The following MGAM variants were observed in gnomAD, a reference collection of about 807,000 sequenced individuals.
The protein encoded by MGAM is alpha-1,4-glucosidase.
A neutral mutation model predicts 358.8 loss-of-function variants in MGAM; 253 were observed. That is an observed-to-expected ratio of 0.71 (90% confidence interval 0.64 to 0.78). The LOEUF (loss-of-function observed/expected upper bound fraction) is 0.78. Among genes scored for constraint, MGAM ranks in the 30% least tolerant of loss-of-function variants. MGAM has a pLI of 0.00. For missense variants in MGAM, 3,080 were observed against 3,432.6 expected (o/e 0.90, Z 2.57); for synonymous variants, 1,105 against 1,227.1 (o/e 0.90, Z 2.08).
At chr7:141,987,765 A>C (rs1313355753) in intron 2 of MGAM, among the ~76,000 whole-genome samples, 1 of 151,524 alleles carries the variant, frequency 6.6e-6, no homozygotes, top group Non-Finnish European at 1.5e-5. Flanking sequence ...TGAATGAATG[A>C]ACAAACATTT....
At chr7:142,034,454 T>G in intron 15 of MGAM, 75 bp downstream of exon 15, 1 of 1,164,678 alleles carries the variant, frequency 8.6e-7, no homozygotes, top group Non-Finnish European at 1.2e-6. Context: ...TCTTGGAGAT[T>G]ATGGGGCTAA....
At position 142,045,878 on chromosome 7, in the gene MGAM, T is replaced by C. The variant is rs1203286790; in HGVS notation, c.2499-1907T>C. Among the ~76,000 whole-genome samples the C allele has an allele frequency of 1.7e-5, 2 of 116,636 alleles. 1 individual carries two copies. Among genetic ancestry groups the C allele is most frequent in the Non-Finnish European group, 3.2e-5 (2 of 61,810 alleles). 76.5% of individuals were successfully genotyped at this position (116,636 alleles called of 152,430 possible). A position where few individuals can be genotyped will look rare whatever the true frequency, so the allele number is the denominator to read the frequency against. On this transcript the variant is annotated intron_variant, in intron 21 of 70. Transcript: ENST00000475668. ...ATATATATTATATATACATACAATA[T>C]GTAATATATATATTATGTATACATA...
chr7:142,026,553 C>T (rs1443240416), intron 8 of MGAM, among the ~76,000 whole-genome samples: 7 of 152,134 alleles, frequency 4.6e-5, no homozygotes, highest in African/African-American at 1.7e-4. Flanking sequence ...TGGGGAAAGA[C>T]ACTTAGGAGA....
intron 22 of MGAM, among the ~76,000 whole-genome samples, chr7:142,049,545 C>T (rs115083202): frequency 6.6e-6 from 1 of 152,014 alleles, no homozygotes; most frequent in Non-Finnish European, 1.5e-5. Flanking sequence ...GTTTGCAAAC[C>T]ATGTATCTCA....
At chr7:142,023,911 C>T (rs1251162550) in intron 7 of MGAM, among the ~76,000 whole-genome samples, 2 of 152,136 alleles carry the variant, frequency 1.3e-5, no homozygotes, top group Admixed American at 6.6e-5. Context: ...GGTGGGCTTT[C>T]AGTCCCTTCT....
intron 57 of MGAM, among the ~76,000 whole-genome samples, chr7:142,088,437 C>CTATGTATGTATG (rs75555022): frequency 0.075 from 10,418 of 139,608 alleles, 1,341 homozygotes; most frequent in African/African-American, 0.2. Context: ...ATGTACCCAT[C>CTATGTATGTATG]TATGTATGTA....
In MGAM at chr7:142,034,734, T is replaced by C. The variant is rs1367540562; in HGVS notation, c.1852T>C (p.Ser618Pro). ...FILTRSTFAG[S>P]GKFAAHWLGD... The stretch of plus-strand genomic sequence containing the variant: ...TCTGACCCGTTCTACCTTTGCGGGC[T>C]CTGGCAAGTTTGCAGCACATTGGTT... Residue 618 changes from serine (S) to proline (P), a missense_variant, in exon 16 of 71, where the codon TCT (serine) becomes CCT (proline). Coordinates refer to ENST00000475668, the MANE Select transcript of MGAM (RefSeq NM_001365693.1). 6.2e-7 allele frequency: 1 copy of C among 1,613,526 alleles called. No homozygotes were observed. The highest frequency in any genetic ancestry group is 8.5e-7 in the Non-Finnish European group (1 of 1,179,668).
intron 21 of MGAM, among the ~76,000 whole-genome samples, chr7:142,046,201 GTCTTTCT>G (rs1194832606): frequency 2.1e-5 from 3 of 146,134 alleles, no homozygotes; most frequent in African/African-American, 7.6e-5. Flanking sequence ...AGATGATTTT[GTCTTTCT>G]TCTTTAATAC....
rs1804514274 is a variant in MGAM at position 141,998,996 on chromosome 7, C to CT, written c.-3+3066_-3+3067insT. 2.0e-5 allele frequency among the ~76,000 whole-genome samples: 3 copies of CT among 152,102 alleles called. No homozygotes were observed. In the South Asian group the frequency reaches 6.2e-4, roughly 31 times the overall value. On this transcript the variant is annotated intron_variant, in intron 1 of 70. Transcript: ENST00000475668. ...TCCTCATTTACCCCCCACTTTTTCT[C>CT]CATATACTTACACAGTATAACCCAG...
intron 66 of MGAM, among the ~76,000 whole-genome samples, chr7:142,097,882 G>T (rs572751838): frequency 6.6e-6 from 1 of 152,154 alleles, no homozygotes; most frequent in African/African-American, 2.4e-5. Flanking sequence ...CAGGTTTTTC[G>T]TGGGTGTTCT....
intron 12 of MGAM, among the ~76,000 whole-genome samples, chr7:142,030,976 A>G (rs1554463477): frequency 6.6e-6 from 1 of 152,002 alleles, no homozygotes; most frequent in African/African-American, 2.4e-5. Flanking sequence ...AAGTCCCTTT[A>G]AACAACAGCT....
At position 142,040,823 on chromosome 7, in the gene MGAM, G is replaced by A. The variant is rs1439750567; in HGVS notation, c.2475G>A (p.Gln825=). The change falls in exon 21 of 71, where the codon CAG becomes CAA. Residue 825 remains glutamine (Q), a synonymous_variant. Transcript: ENST00000475668. ...GAGGCTACATCTTCCCCACACAGCA[G>A]CCAAATACAACCACTCTGGCCAGGT... ...LRGGYIFPTQ[Q]PNTTTLASRK... is the part of the protein sequence containing the mutation. The A allele has an allele frequency of 6.2e-6, 10 of 1,612,336 alleles. No homozygotes were observed. Among genetic ancestry groups the A allele is most frequent in the Non-Finnish European group, 8.5e-6 (10 of 1,179,064 alleles).
intron 7 of MGAM, among the ~76,000 whole-genome samples, chr7:142,023,475 A>G (rs984227641): frequency 2.0e-5 from 3 of 152,134 alleles, no homozygotes; most frequent in Admixed American, 6.5e-5. Context: ...ATGTTTGTGT[A>G]TATATATCTA....
intron 49 of MGAM, among the ~76,000 whole-genome samples, chr7:142,079,440 A>G (rs567331542): frequency 1.4e-5 from 2 of 146,006 alleles, no homozygotes; most frequent in Admixed American, 1.4e-4. Context: ...GGTATCTTGC[A>G]TCTTAATATG....
At chr7:142,059,727 C>A in intron 32 of MGAM, 127 bp downstream of exon 32, 1 of 1,572,788 alleles carries the variant, frequency 6.4e-7, no homozygotes, top group Non-Finnish European at 8.7e-7. Flanking sequence ...GGTGTATTTC[C>A]CAGGACTCAC....
intron 57 of MGAM, among the ~76,000 whole-genome samples, chr7:142,090,554 T>C (rs571054913): frequency 6.8e-6 from 1 of 146,200 alleles, no homozygotes; most frequent in Admixed American, 6.9e-5. Flanking sequence ...CCATGTAGGC[T>C]GGTCTGTTTC....
In MGAM at chr7:142,002,962, A is replaced by G. The variant is rs965751601; in HGVS notation, c.-2-2567A>G. On this transcript the variant is annotated intron_variant, in intron 1 of 70. Coordinates refer to ENST00000475668, the MANE Select transcript of MGAM (RefSeq NM_001365693.1). ...AATCAGGCTGAGAACCAAATCAAGA[A>G]CTCAATCCCATTTACAATAAAATAA... Among the ~76,000 whole-genome samples, 13 of 142,988 alleles carry G rather than the reference A, an allele frequency of 9.1e-5. 1 individual carries two copies. The South Asian group carries it at 2.9e-3, about 32-fold the overall frequency. The allele number at this position is 142,988 out of a possible 152,430, so 93.8% of individuals were successfully genotyped here. A position where few individuals can be genotyped will look rare whatever the true frequency, so the allele number is the denominator to read the frequency against.
intron 3 of MGAM, among the ~76,000 whole-genome samples, chr7:142,011,902 C>G (rs1405086198): frequency 6.6e-6 from 1 of 152,046 alleles, no homozygotes; most frequent in Non-Finnish European, 1.5e-5. Context: ...AAGTGGCCAG[C>G]CTAACAAGCT....
Position 142,022,397 on chromosome 7 carries a change from G to A in MGAM, c.840G>A (p.Trp280Ter). The stretch of plus-strand genomic sequence containing the variant: ...AGCAGTATCGGCATGATATGAATTG[G>A]AAGACCTGGCCCATATTTAACAGAG... ...VHQQYRHDMNWKTWPIFNRDT... is the reference protein window; with the variant it reads ...VHQQYRHDMN The change falls in exon 7 of 71, where the codon TGG becomes TGA. Residue 280 changes from tryptophan (W) to a stop codon, truncating the protein, a stop_gained. Coordinates refer to ENST00000475668, the MANE Select transcript of MGAM (RefSeq NM_001365693.1). LOFTEE classifies it high-confidence loss of function. 5 of 1,613,686 alleles carry A rather than the reference G, an allele frequency of 3.1e-6. No individual in the cohort carries two copies. Among genetic ancestry groups the A allele is most frequent in the Non-Finnish European group, 4.2e-6 (5 of 1,179,686 alleles).
Sources: gnomAD v4.1 joint callset for allele counts (sites outside exome capture counted in the v4.1 genomes callset) on GRCh38, gnomAD v4.1.1 for gene constraint, MANE v1.5 for transcripts, NCBI Gene and HGNC (gene_info 2026-07-23, HGNC 2026-07-21) for gene names.